Variants in ZFHX3 observed in about 807,000 individuals in gnomAD.
ZFHX3 encodes zinc finger homeobox protein 3.
In ZFHX3, 42 loss-of-function variants were observed where a neutral mutation model predicts 279.1. That is an observed-to-expected ratio of 0.15 (90% CI 0.12 to 0.19). ZFHX3 has a LOEUF of 0.19. Among genes scored for constraint, ZFHX3 ranks in the 10% least tolerant of loss-of-function variants. The pLI, the probability that ZFHX3 is intolerant of heterozygous loss-of-function variation, is 1.00. For synonymous variants in ZFHX3, 2,293 were observed against 1,957.8 expected, an observed-to-expected ratio of 1.17 and a Z score of -4.52; for missense variants, 4,981 against 4,754.0, an observed-to-expected ratio of 1.05 and a Z score of -1.40.
At chr16:73,504,369 C>A (rs948709720) in intron 2 of ZFHX3, 1 of 152,174 alleles carries the variant, frequency 6.6e-6, no homozygotes, top group Middle Eastern at 3.2e-3. Flanking sequence ...AAGCCTCAAC[C>A]CCCTTCTTCT....
At chr16:72,990,875 G>C (rs529882098) in intron 1 of ZFHX3, among the ~76,000 whole-genome samples, 1 of 152,254 alleles carries the variant, frequency 6.6e-6, no homozygotes, top group South Asian at 2.1e-4. Context: ...AGCTACTCGA[G>C]AGGCTGAGGT....
rs564332271 is a variant in ZFHX3, at chr16:73,149,330, TATA to T, written c.-1103-5502_-1103-5500del. ...ACTTTATTAATATTAATGTCATTAA[TATA>T]ATATTTTGTTATATTAATAAAAATT... On this transcript the variant is annotated intron_variant, in intron 5 of 17. Coordinates refer to the ZFHX3 transcript ENST00000641206. Among the ~76,000 whole-genome samples the T allele has an allele frequency of 4.6e-5, 7 of 150,612 alleles. No homozygotes were observed. The East Asian group carries it at 1.2e-3, about 25-fold the overall frequency.
chr16:72,829,283 G>A (rs1328832654), intron 5 of ZFHX3, among the ~76,000 whole-genome samples: 1 of 151,864 alleles, frequency 6.6e-6, no homozygotes, highest in Non-Finnish European at 1.5e-5. Context: ...AAAGTATTGA[G>A]ATTACATGAG....
intron 7 of ZFHX3, among the ~76,000 whole-genome samples, chr16:72,806,424 CAG>C (rs1397624118): frequency 6.6e-6 from 1 of 152,254 alleles, no homozygotes; most frequent in African/African-American, 2.4e-5. Context: ...TCATTAGACT[CAG>C]AGAGGGAAGC....
intron 5 of ZFHX3, among the ~76,000 whole-genome samples, chr16:73,174,325 G>T (rs1967611406): frequency 6.6e-6 from 1 of 151,952 alleles, no homozygotes; most frequent in African/African-American, 2.4e-5. Context: ...AGGAATAAGG[G>T]CTGCCAAACC....
intron 1 of ZFHX3, among the ~76,000 whole-genome samples, chr16:73,009,651 G>C (rs901613876): frequency 6.6e-6 from 1 of 152,096 alleles, no homozygotes; most frequent in African/African-American, 2.4e-5. Flanking sequence ...TGGGCTAATT[G>C]CTGGCTACCA....
intron 3 of ZFHX3, among the ~76,000 whole-genome samples, chr16:73,341,569 A>C (rs937712700): frequency 1.3e-5 from 2 of 152,216 alleles, no homozygotes; most frequent in Admixed American, 1.3e-4. Context: ...CTACTCCTAG[A>C]TGTACACACC....
intron 2 of ZFHX3, among the ~76,000 whole-genome samples, chr16:73,599,494 C>A (rs1177555888): frequency 6.6e-6 from 1 of 152,226 alleles, no homozygotes; most frequent in East Asian, 1.9e-4. Flanking sequence ...CTTCTGGGCA[C>A]AGGGCTCCAT....
chr16:73,881,431 ACT>A (rs1469679044), intron 1 of ZFHX3, among the ~76,000 whole-genome samples: 3 of 117,662 alleles, frequency 2.5e-5, no homozygotes, highest in African/African-American at 3.8e-5. Flanking sequence ...TAATGATCAC[ACT>A]CACACACACA....
chr16:73,733,625 AC>A (rs1284751586), intron 1 of ZFHX3, among the ~76,000 whole-genome samples: 1 of 152,146 alleles, frequency 6.6e-6, no homozygotes, highest in East Asian at 1.9e-4. Context: ...AACTGTGTTG[AC>A]TACTTTAAAG....
At chr16:73,197,639 A>G (rs941740677) in intron 5 of ZFHX3, among the ~76,000 whole-genome samples, 2 of 152,214 alleles carry the variant, frequency 1.3e-5, no homozygotes, top group Non-Finnish European at 2.9e-5. Context: ...TATTTCTACT[A>G]AACATGATAG....
chr16:73,595,457 C>CT (rs1322572201), intron 2 of ZFHX3, among the ~76,000 whole-genome samples: 1 of 152,098 alleles, frequency 6.6e-6, no homozygotes, highest in Non-Finnish European at 1.5e-5. Context: ...TCCATGACTC[C>CT]TTTTTTTCTC....
chr16:72,790,306 T>C (rs1431250794), intron 9 of ZFHX3: 1 of 152,296 alleles, frequency 6.6e-6, no homozygotes, highest in Non-Finnish European at 1.5e-5. Context: ...AACACCTCTA[T>C]ATTCACCATA....
At chr16:72,973,002 A>G (rs941416847) in intron 1 of ZFHX3, among the ~76,000 whole-genome samples, 1 of 152,210 alleles carries the variant, frequency 6.6e-6, no homozygotes. Context: ...AACTCTGTAC[A>G]TCAGCTACCT....
chr16:73,074,042 C>T (rs1272856642), intron 8 of ZFHX3, among the ~76,000 whole-genome samples: 1 of 152,198 alleles, frequency 6.6e-6, no homozygotes, highest in Non-Finnish European at 1.5e-5. Flanking sequence ...GTGTGCTCTT[C>T]ACTTCTTATC....
intron 5 of ZFHX3, among the ~76,000 whole-genome samples, chr16:73,178,642 A>C (rs912015578): frequency 7.2e-5 from 11 of 152,182 alleles, no homozygotes; most frequent in African/African-American, 2.4e-4. Flanking sequence ...AAAATTCAAC[A>C]CAATAGTTTA....
chr16:73,774,859 C>A (rs1020993205), intron 1 of ZFHX3, among the ~76,000 whole-genome samples: 2 of 152,130 alleles, frequency 1.3e-5, no homozygotes, highest in African/African-American at 4.8e-5. Context: ...GAGACCTGAA[C>A]CTTGCATGAA....
intron 2 of ZFHX3, among the ~76,000 whole-genome samples, chr16:73,496,614 C>T (rs143271151): frequency 9.9e-4 from 151 of 152,308 alleles, no homozygotes; most frequent in African/African-American, 3.3e-3. Context: ...CACCAATTAA[C>T]GAAGGATGGG....
intron 3 of ZFHX3, among the ~76,000 whole-genome samples, chr16:72,916,964 T>G (rs2144215418): frequency 6.6e-6 from 1 of 152,150 alleles, no homozygotes; most frequent in South Asian, 2.1e-4. Flanking sequence ...GAAGGCCAGG[T>G]GCAGTGGCTC....
Sources: gnomAD v4.1 joint callset for allele counts (sites outside exome capture counted in the v4.1 genomes callset) on GRCh38, gnomAD v4.1.1 for gene constraint, MANE v1.5 for transcripts, NCBI Gene and HGNC (gene_info 2026-07-23, HGNC 2026-07-21) for gene names.